SRGAP3: variants seen among roughly 807,000 people sequenced by gnomAD.
The protein encoded by SRGAP3 is SLIT-ROBO Rho GTPase-activating protein 3.
In SRGAP3, 39 loss-of-function variants were observed where a neutral mutation model predicts 121.1. The ratio of observed to expected loss-of-function variants is 0.32; its 90% confidence interval spans 0.25 to 0.42. The LOEUF is 0.42. Ranked by LOEUF, SRGAP3 falls within the 10% of genes least tolerant of loss-of-function variation. The pLI is 1.00. For synonymous variants in SRGAP3, 601 were observed against 570.0 expected (o/e 1.05, Z -0.77); for missense variants, 1,213 against 1,470.6 (o/e 0.82, Z 2.86).
At chr3:9,186,796 C>A (rs1194044180) in intron 1 of SRGAP3, among the ~76,000 whole-genome samples, 1 of 152,162 alleles carries the variant, frequency 6.6e-6, no homozygotes, top group African/African-American at 2.4e-5. Context: ...GTCCACCAAT[C>A]AATAAGCTGC....
intron 8 of SRGAP3, 151 bp from the exon 9 acceptor site, chr3:9,053,375 T>C (rs1392385557): frequency 1.1e-6 from 1 of 876,086 alleles, no homozygotes; most frequent in Non-Finnish European, 1.8e-6. Flanking sequence ...TGTATTAATG[T>C]GGAAAACACA....
chr3:9,124,295 C>T (rs769076245), intron 2 of SRGAP3, among the ~76,000 whole-genome samples: 23 of 152,306 alleles, frequency 1.5e-4, no homozygotes, highest in Middle Eastern at 3.4e-3. Context: ...AAGAAATTCA[C>T]TGAGCTAACA....
intron 1 of SRGAP3, among the ~76,000 whole-genome samples, chr3:9,157,662 C>G (rs1274016183): frequency 6.6e-6 from 1 of 152,156 alleles, no homozygotes; most frequent in East Asian, 1.9e-4. Flanking sequence ...CCCAGAGTCC[C>G]TACTCTTGGC....
At chr3:9,120,856 C>A (rs1384315725) in intron 2 of SRGAP3, among the ~76,000 whole-genome samples, 1 of 152,244 alleles carries the variant, frequency 6.6e-6, no homozygotes, top group Non-Finnish European at 1.5e-5. Flanking sequence ...TTCTTTGGAT[C>A]ACGTGTCACA....
At chr3:9,204,971 A>T (rs1952212947) in intron 1 of SRGAP3, among the ~76,000 whole-genome samples, 1 of 152,224 alleles carries the variant, frequency 6.6e-6, no homozygotes, top group Admixed American at 6.5e-5. Flanking sequence ...TTAAGCTTCC[A>T]TGGGCCATAA....
intron 18 of SRGAP3, among the ~76,000 whole-genome samples, chr3:9,001,063 C>T (rs1942729962): frequency 6.6e-6 from 1 of 152,162 alleles, no homozygotes; most frequent in Admixed American, 6.5e-5. Context: ...GAGCAGAATA[C>T]TGCTTGTCAG....
intron 1 of SRGAP3, among the ~76,000 whole-genome samples, chr3:9,190,061 G>A (rs1239119834): frequency 6.6e-6 from 1 of 152,136 alleles, no homozygotes; most frequent in Non-Finnish European, 1.5e-5. Context: ...ACACAAGAGT[G>A]GTCAAGTAAC....
intron 3 of SRGAP3, among the ~76,000 whole-genome samples, chr3:9,082,514 C>T (rs377578842): frequency 6.6e-6 from 1 of 152,214 alleles, no homozygotes. Flanking sequence ...GTGAGAAATA[C>T]ATTTCTGTTG....
intron 1 of SRGAP3, among the ~76,000 whole-genome samples, chr3:9,178,910 A>T (rs1951278962): frequency 1.3e-5 from 2 of 152,192 alleles, no homozygotes; most frequent in Non-Finnish European, 2.9e-5. Flanking sequence ...CTCAGGCCAC[A>T]GCTGCAACGG....
At chr3:9,265,654 A>G (rs1419404595) in intron 3 of SRGAP3, among the ~76,000 whole-genome samples, 1 of 152,240 alleles carries the variant, frequency 6.6e-6, no homozygotes, top group African/African-American at 2.4e-5. Flanking sequence ...GAGAAATGCA[A>G]ATCAAAACCA....
Position 9,360,343 on chromosome 3 carries a change from A to T in SRGAP3, n.214+2497T>A, listed in dbSNP as rs186169703. Among the ~76,000 whole-genome samples, 261 of 152,348 alleles carry T rather than the reference A, an allele frequency of 1.7e-3. 1 individual carries two copies. Among genetic ancestry groups the T allele is most frequent in the Admixed American group, 1.0e-2 (153 of 15,304 alleles). On this transcript the variant is annotated intron_variant and non_coding_transcript_variant, in intron 1 of 3. Transcript: ENST00000490889. ...TCCCAATAAACCCACCATACGCAGA[A>T]AATAGTGTAAGTTAAAAATGCATTA...
At chr3:9,302,707 A>G (rs1363317922) in intron 3 of SRGAP3, among the ~76,000 whole-genome samples, 1 of 152,214 alleles carries the variant, frequency 6.6e-6, no homozygotes, top group Non-Finnish European at 1.5e-5. Flanking sequence ...AGGAAGGGCT[A>G]GCGTCTGCCG....
intron 12 of SRGAP3, among the ~76,000 whole-genome samples, chr3:9,030,105 T>C (rs1252274052): frequency 6.6e-6 from 1 of 152,176 alleles, no homozygotes; most frequent in Admixed American, 6.5e-5. Flanking sequence ...TGAGCCGTGA[T>C]TGTGCCACTG....
chr3:9,354,401 C>T (rs1194923238), intron 1 of SRGAP3, among the ~76,000 whole-genome samples: 1 of 151,980 alleles, frequency 6.6e-6, no homozygotes, highest in South Asian at 2.1e-4. Flanking sequence ...GCAAGGAGGC[C>T]GGGCGCGGTG....
intron 1 of SRGAP3, among the ~76,000 whole-genome samples, chr3:9,142,372 T>C (rs1292920396): frequency 6.6e-6 from 1 of 152,190 alleles, no homozygotes; most frequent in Non-Finnish European, 1.5e-5. Context: ...ATGAAAAAGC[T>C]TATATCTCCC....
At chr3:9,348,984 T>C (rs1172099618) in intron 1 of SRGAP3, 27 of 917,950 alleles carry the variant, frequency 2.9e-5, no homozygotes, top group Middle Eastern at 2.3e-4. Flanking sequence ...CAGGTACTAA[T>C]TGCAGCCCAT....
chr3:9,030,193 GAAATA>G (rs1243749781), intron 12 of SRGAP3, among the ~76,000 whole-genome samples: 10 of 149,034 alleles, frequency 6.7e-5, no homozygotes, highest in Non-Finnish European at 1.5e-4. Context: ...ATGAATGAAT[GAAATA>G]GTATTTAACA....
intron 3 of SRGAP3, among the ~76,000 whole-genome samples, chr3:9,093,714 C>T (rs571477437): frequency 4.6e-5 from 7 of 152,224 alleles, no homozygotes; most frequent in African/African-American, 1.2e-4. Flanking sequence ...TAACATGCAC[C>T]GTCCATCCAA....
intron 1 of SRGAP3, among the ~76,000 whole-genome samples, chr3:9,206,226 C>T (rs1029052695): frequency 2.6e-5 from 4 of 152,184 alleles, no homozygotes; most frequent in African/African-American, 4.8e-5. Flanking sequence ...CTAACCTCTA[C>T]GTGCATTATT....
Sources: allele counts gnomAD v4.1 joint callset (sites outside exome capture counted in the v4.1 genomes callset), GRCh38; gene constraint gnomAD v4.1.1; transcripts MANE v1.5; gene names NCBI Gene and HGNC (gene_info 2026-07-23, HGNC 2026-07-21).